Variants in RNF213 observed in about 807,000 individuals in gnomAD.
RNF213 encodes ring finger protein 213, also known as E3 ubiquitin-protein ligase RNF213.
RNF213 carries 341 observed loss-of-function variants against 514.4 expected under a neutral mutation model. The observed-to-expected ratio is 0.66, with a 90% CI of 0.61 to 0.73. The LOEUF is 0.73. Among genes scored for constraint, RNF213 ranks in the 30% least tolerant of loss-of-function variants. The pLI is 0.00. For synonymous variants in RNF213, 2,655 were observed against 2,658.2 expected (o/e 1.00, Z 0.04); for missense variants, 5,767 against 6,615.6 (o/e 0.87, Z 4.45).
At chr17:80,313,818 ATGGTGG>A (rs1180054816) in intron 15 of RNF213, among the ~76,000 whole-genome samples, 1 of 37,652 alleles carries the variant, frequency 2.7e-5, no homozygotes, top group Admixed American at 2.3e-4. Context: ...AATGGAGGTG[ATGGTGG>A]TGGTGGAGGT....
In RNF213 at chr17:80,289,569, A is replaced by T; in HGVS notation, c.934-90A>T. 2.1e-6 allele frequency: 3 copies of T among 1,399,838 alleles called. No homozygotes were observed. The South Asian group carries it at 3.7e-5, about 17-fold the overall frequency. The allele number at this position is 1,399,838 out of a possible 1,614,324, so 86.7% of individuals were successfully genotyped here. ...CGCAGTACTGCACTCCAGCCTTGGT[A>T]ATAAGAGCGAGACTCTGTCTCAGAA... On this transcript the variant is annotated intron_variant, in intron 5 of 67. Coordinates refer to ENST00000582970, the MANE Select transcript of RNF213 (RefSeq NM_001256071.3).
intron 5 of RNF213, among the ~76,000 whole-genome samples, chr17:80,289,449 C>G (rs534246071): frequency 6.6e-6 from 1 of 151,996 alleles, no homozygotes; most frequent in Non-Finnish European, 1.5e-5. Flanking sequence ...AATTAGCCAG[C>G]CGTGGTGGCA....
At chr17:80,348,748 G>A (rs1034074097) in intron 29 of RNF213, among the ~76,000 whole-genome samples, 3 of 152,236 alleles carry the variant, frequency 2.0e-5, no homozygotes, top group African/African-American at 4.8e-5. Context: ...GCCCCTCGCC[G>A]ATGGGGAAGA....
Position 80,339,621 on chromosome 17 carries a change from G to C in RNF213, c.5254G>C (p.Ala1752Pro). 1 of 1,537,196 alleles carries C rather than the reference G, an allele frequency of 6.5e-7. No homozygotes were observed. Among genetic ancestry groups the C allele is most frequent in the Non-Finnish European group, 8.7e-7 (1 of 1,146,894 alleles). The change falls in exon 26 of 68, where the codon GCC becomes CCC. Residue 1752 changes from alanine to proline, a missense_variant. Ala to Pro is a conservative substitution (Grantham distance 27, BLOSUM62 -1). Transcript: ENST00000582970. ...LRASVGCGSE[A>P]ARYRMRRVME... ...GGCCTCTGTGGGGTGTGGGAGTGAGGCCGCCAGGTACCGCATGAGGAGAGT... is the reference window on the plus strand; with the variant it reads ...GGCCTCTGTGGGGTGTGGGAGTGAGCCCGCCAGGTACCGCATGAGGAGAGT...
Position 80,354,549 on chromosome 17 carries a change from A to G in RNF213, c.10835A>G (p.Asp3612Gly), listed in dbSNP as rs763117045. 332 of 1,614,096 alleles carry G rather than the reference A, an allele frequency of 2.1e-4. No individual in the cohort carries two copies. Among genetic ancestry groups the G allele is most frequent in the Non-Finnish European group, 2.7e-4 (315 of 1,180,056 alleles). Residue 3612 changes from aspartate to glycine, a missense_variant, in exon 36 of 68, where the codon GAC becomes GGC. Around this residue, in one of 13 missense-constraint regions of RNF213, gnomAD observed 919 missense variants for 1,121.0 expected, o/e 0.82. Transcript: ENST00000582970. ...EWLAREACNQ[D>G]ALQEAGTFRH... The stretch of plus-strand genomic sequence containing the variant: ...TTGGCAAGGGAAGCCTGCAACCAGG[A>G]CGCTCTCCAGGAGGCGGGCACATTC...
In RNF213 at chr17:80,377,624, CA is replaced by C; in HGVS notation, c.13511-135del. 1.1e-6 allele frequency: 1 copy of C among 913,106 alleles called. No individual in the cohort carries two copies. Among genetic ancestry groups the C allele is most frequent in the Non-Finnish European group, 1.8e-6 (1 of 541,468 alleles). 56.6% of individuals were successfully genotyped at this position (913,106 alleles called of 1,614,324 possible). ...TTCAGGCAGGTGTCATGTAACTTAA[CA>C]AATTAGCGTGGGATGCTCTGGACAG... On this transcript the variant is annotated intron_variant, in intron 53 of 67. Coordinates refer to ENST00000582970, the MANE Select transcript of RNF213 (RefSeq NM_001256071.3). This position sits in a 1 kb window ranked among gnomAD's most constrained non-coding sequence, Gnocchi z 4.1.
chr17:80,352,854 G>A, intron 32 of RNF213, 86 bp from the exon 33 acceptor site: 1 of 1,592,002 alleles, frequency 6.3e-7, no homozygotes, highest in Non-Finnish European at 8.6e-7. Flanking sequence ...ATAATGACAA[G>A]CCAGGGTGTG....
At position 80,377,765 on chromosome 17, in the gene RNF213, G is replaced by T. The variant is rs761017063; in HGVS notation, c.13514G>T (p.Cys4505Phe). The T allele has an allele frequency of 6.2e-7, 1 of 1,614,036 alleles. No individual in the cohort carries two copies. Among genetic ancestry groups the T allele is most frequent in the African/African-American group, 1.3e-5 (1 of 74,910 alleles). ...KGLERVHWYT[C>F]PNGHPCSVGE... Reference sequence around the variant, plus strand: ...GTGTGTCCTGTTCTCTTCACAGCTTGTCCCAACGGCCATCCTTGCTCCGTG... The same window carrying T: ...GTGTGTCCTGTTCTCTTCACAGCTTTTCCCAACGGCCATCCTTGCTCCGTG... Residue 4505 changes from cysteine (C) to phenylalanine (F), a missense_variant, in exon 54 of 68, where the codon TGT becomes TTT. Transcript: ENST00000582970. This position sits in a 1 kb window ranked among gnomAD's most constrained non-coding sequence, Gnocchi z 4.1.
chr17:80,292,259 A>G (rs992947411), intron 8 of RNF213, among the ~76,000 whole-genome samples: 14 of 151,976 alleles, frequency 9.2e-5, no homozygotes, highest in Admixed American at 5.2e-4. Context: ...TAACTTTTGT[A>G]TTTTTAGAGA....
rs746466394 is a variant in RNF213, at chr17:80,390,125, G to A, written c.15399G>A (p.Leu5133=). ...GCCTAGACGCCTTCCTGCTAGAGCT[G>A]CACGAAATGATAATCTTGAAACTAA... ...QTGLDAFLLE[L]HEMIILKLKN... is the part of the protein sequence containing the mutation. Residue 5133 remains leucine, a synonymous_variant, in exon 67 of 68, where the codon CTG becomes CTA. Transcript: ENST00000582970. 1.8e-5 allele frequency: 29 copies of A among 1,614,106 alleles called. No individual in the cohort carries two copies. The highest frequency in any genetic ancestry group is 8.5e-7 in the Non-Finnish European group (1 of 1,180,052).
At chr17:80,361,084 T>C (rs2079038939) in intron 38 of RNF213, among the ~76,000 whole-genome samples, 1 of 152,236 alleles carries the variant, frequency 6.6e-6, no homozygotes, top group Non-Finnish European at 1.5e-5. Context: ...CGGGGGTTCC[T>C]GAAGCATGCT....
intron 2 of RNF213, among the ~76,000 whole-genome samples, chr17:80,268,276 C>A (rs1414709766): frequency 6.7e-6 from 1 of 149,520 alleles, no homozygotes; most frequent in South Asian, 2.1e-4. Flanking sequence ...ATTGCTGGAG[C>A]CCAGGAGGTC....
intron 2 of RNF213, among the ~76,000 whole-genome samples, chr17:80,265,046 T>TTTTTTG (rs1555635723): frequency 3.9e-5 from 3 of 77,344 alleles, no homozygotes; most frequent in Admixed American, 1.3e-4. Context: ...GTTTGTTTGT[T>TTTTTTG]TTTTTTTTTT....
chr17:80,262,092 G>A (rs1369922823), intron 1 of RNF213, among the ~76,000 whole-genome samples: 1 of 152,184 alleles, frequency 6.6e-6, no homozygotes, highest in Non-Finnish European at 1.5e-5. Context: ...AACACTTCGG[G>A]TGGAAAGAAA....
rs761027115 is a variant in RNF213 at position 80,345,654 on chromosome 17, G to T, written c.7319G>T (p.Gly2440Val). The T allele has an allele frequency of 6.2e-7, 1 of 1,614,232 alleles. No homozygotes were observed. Residue 2440 changes from glycine (G) to valine (V), a missense_variant, in exon 29 of 68, where the codon GGT becomes GTT. Gly to Val is a moderately radical substitution (Grantham distance 109, BLOSUM62 -3). Transcript: ENST00000582970. This position sits in a 1 kb window ranked among gnomAD's most constrained non-coding sequence, Gnocchi z 6.0. ...TTCCTTAGCGACCTGCGGCGTGGTG[G>T]TACCAATGCTGACACCATAAAGCTG... ...IKFLSDLRRG[G>V]TNADTIKLVK...
Position 80,372,660 on chromosome 17 carries a change from T to A in RNF213, c.12677T>A (p.Leu4226Gln). 1 of 1,614,060 alleles carries A rather than the reference T, an allele frequency of 6.2e-7. No homozygotes were observed. The highest frequency in any genetic ancestry group is 1.7e-5 in the Admixed American group (1 of 60,016). The change falls in exon 48 of 68, where the codon CTG becomes CAG. Residue 4226 changes from leucine to glutamine, a missense_variant. Leu to Gln is a moderately radical substitution (Grantham distance 113). This residue lies in a region of RNF213 where 1,245 missense variants were observed against 1,339.0 expected (regional missense o/e 0.93). Coordinates refer to ENST00000582970, the MANE Select transcript of RNF213 (RefSeq NM_001256071.3). ...GCCAACGAGGCCTCGGTTGAATACC[T>A]GCAAGAGGTGGCCCGGATCCGCCTC... The part of the protein sequence containing the change: ...EPANEASVEY[L>Q]QEVARIRLCL...
chr17:80,390,186 C>T lies in RNF213; in HGVS notation c.15460C>T (p.Pro5154Ser), dbSNP rs746731021. 1.2e-6 allele frequency: 2 copies of T among 1,613,952 alleles called. No homozygotes were observed. The highest frequency in any genetic ancestry group is 3.3e-5 in the Admixed American group (2 of 60,022). ...AACCCAAACCGAGGAGCGCTTCCGC[C>T]CTCAGTGGAGGTATGGATTTGCACA... ...PQTQTEERFR[P>S]QWSLRDTLVS... is the part of the protein sequence containing the mutation. Residue 5154 changes from proline to serine, a missense_variant, in exon 67 of 68, where the codon CCT becomes TCT. Around this residue, in one of 13 missense-constraint regions of RNF213, gnomAD observed 1,245 missense variants for 1,339.0 expected, o/e 0.93. Transcript: ENST00000582970.
At chr17:80,307,921 C>G (rs1225917119) in intron 13 of RNF213, among the ~76,000 whole-genome samples, 1 of 150,874 alleles carries the variant, frequency 6.6e-6, no homozygotes, top group Non-Finnish European at 1.5e-5. Context: ...GGGTTTATCT[C>G]CCCCTGATCT....
At chr17:80,364,234 A>G (rs1234424817) in intron 41 of RNF213, among the ~76,000 whole-genome samples, 199 bp from the exon 42 acceptor site, 1 of 152,180 alleles carries the variant, frequency 6.6e-6, no homozygotes, top group African/African-American at 2.4e-5. Context: ...TGGGACACCG[A>G]GTCCCAGCTA....
Sources: allele counts gnomAD v4.1 joint callset (sites outside exome capture counted in the v4.1 genomes callset), GRCh38; gene constraint gnomAD v4.1.1; regional missense constraint gnomAD v4.1.1; non-coding constraint Gnocchi (gnomAD v3.1); transcripts MANE v1.5; gene names NCBI Gene and HGNC (gene_info 2026-07-23, HGNC 2026-07-21).